MARCHF11: variants seen among roughly 807,000 people sequenced by gnomAD.
The protein encoded by MARCHF11 is membrane associated ring-CH-type finger 11, also known as E3 ubiquitin-protein ligase MARCHF11.
Under a neutral mutation model 37.3 loss-of-function variants are expected in MARCHF11, and 29 were observed. The observed-to-expected ratio is 0.78, with a 90% CI of 0.58 to 1.06. MARCHF11 has a LOEUF of 1.06. MARCHF11 is among the 50% of genes least tolerant of loss of function. MARCHF11 has a pLI of 0.00. For missense variants in MARCHF11, 482 were observed against 533.4 expected (o/e 0.90, Z 0.95); for synonymous variants, 233 against 228.0 (o/e 1.02, Z -0.20).
At chr5:16,088,263 T>G (rs1313903026) in intron 3 of MARCHF11, among the ~76,000 whole-genome samples, 1 of 152,182 alleles carries the variant, frequency 6.6e-6, no homozygotes, top group South Asian at 2.1e-4. Context: ...TCCACAACTG[T>G]GCACATCCCA....
At chr5:16,079,860 G>A (rs1171938363) in intron 3 of MARCHF11, among the ~76,000 whole-genome samples, 1 of 152,068 alleles carries the variant, frequency 6.6e-6, no homozygotes, top group East Asian at 1.9e-4. Context: ...CTCCCCTCAG[G>A]ACACAGGATC....
chr5:16,089,616 AAT>A (rs1736759414), intron 3 of MARCHF11, among the ~76,000 whole-genome samples: 1 of 152,074 alleles, frequency 6.6e-6, no homozygotes, highest in African/African-American at 2.4e-5. Flanking sequence ...AAAAAAAAAA[AAT>A]CATGCTGACA....
chr5:16,127,328 G>C (rs975617037), intron 2 of MARCHF11, among the ~76,000 whole-genome samples: 1 of 152,124 alleles, frequency 6.6e-6, no homozygotes, highest in Non-Finnish European at 1.5e-5. Flanking sequence ...GTCACACAAG[G>C]GCAGGCCATA....
At chr5:16,150,880 C>T (rs1033429608) in intron 2 of MARCHF11, among the ~76,000 whole-genome samples, 4 of 151,950 alleles carry the variant, frequency 2.6e-5, no homozygotes, top group Admixed American at 6.6e-5. Context: ...TGGAAAAAAA[C>T]GTGGTTCCCC....
chr5:16,128,647 G>A (rs1196676733), intron 2 of MARCHF11, among the ~76,000 whole-genome samples: 1 of 152,186 alleles, frequency 6.6e-6, no homozygotes, highest in Non-Finnish European at 1.5e-5. Context: ...TTTAGAAGAA[G>A]CTGCTATGGG....
At chr5:16,096,742 T>A (rs146505885) in intron 2 of MARCHF11, among the ~76,000 whole-genome samples, 33 of 152,324 alleles carry the variant, frequency 2.2e-4, no homozygotes, top group African/African-American at 7.5e-4. Flanking sequence ...CCTGTACAAA[T>A]CCCTTCCAAC....
chr5:16,116,314 G>A (rs1317756195), intron 2 of MARCHF11, among the ~76,000 whole-genome samples: 1 of 152,038 alleles, frequency 6.6e-6, no homozygotes, highest in Admixed American at 6.5e-5. Context: ...GGGCCCAAGG[G>A]ATTCTCTCTC....
chr5:16,116,310 A>G (rs1046002459), intron 2 of MARCHF11, among the ~76,000 whole-genome samples: 1 of 152,162 alleles, frequency 6.6e-6, no homozygotes, highest in South Asian at 2.1e-4. Context: ...GCCAGGGCCC[A>G]AGGGATTCTC....
chr5:16,076,880 C>T (rs540762521), intron 3 of MARCHF11, among the ~76,000 whole-genome samples: 2 of 152,216 alleles, frequency 1.3e-5, no homozygotes, highest in Non-Finnish European at 2.9e-5. Flanking sequence ...CCTCAGCCTG[C>T]GAAATGGCCA....
chr5:16,143,392 C>T (rs76274971), intron 2 of MARCHF11, among the ~76,000 whole-genome samples: 4,922 of 152,268 alleles, frequency 0.032, 289 homozygotes, highest in African/African-American at 0.11. Flanking sequence ...CCCGTTGGGC[C>T]AAGGCAATTC....
chr5:16,159,658 T>G (rs531339036), intron 2 of MARCHF11, among the ~76,000 whole-genome samples: 9 of 152,128 alleles, frequency 5.9e-5, no homozygotes, highest in Admixed American at 3.9e-4. Context: ...ATCTCTTCTT[T>G]TATTTCTTTT....
intron 2 of MARCHF11, among the ~76,000 whole-genome samples, chr5:16,145,492 G>A (rs1737782535): frequency 6.6e-6 from 1 of 152,126 alleles, no homozygotes; most frequent in African/African-American, 2.4e-5. Flanking sequence ...CCAGCCTCTA[G>A]AACTGTGAGA....
chr5:16,163,319 A>G (rs1019350934), intron 2 of MARCHF11, among the ~76,000 whole-genome samples: 2 of 152,074 alleles, frequency 1.3e-5, no homozygotes, highest in African/African-American at 2.4e-5. Context: ...ATGGAAGAGG[A>G]CAATTGCATA....
intron 2 of MARCHF11, among the ~76,000 whole-genome samples, chr5:16,116,407 T>C (rs1737227002): frequency 6.6e-6 from 1 of 152,180 alleles, no homozygotes; most frequent in African/African-American, 2.4e-5. Context: ...CAGTTTTCCA[T>C]GCCTACAATT....
intron 2 of MARCHF11, chr5:16,140,937 T>C (rs1034944096): frequency 1.3e-5 from 2 of 152,194 alleles, no homozygotes; most frequent in Admixed American, 1.3e-4. Flanking sequence ...AACATTTATA[T>C]AGTGCTTATT....
intron 3 of MARCHF11, among the ~76,000 whole-genome samples, chr5:16,087,079 A>G (rs1736712750): frequency 6.6e-6 from 1 of 152,224 alleles, no homozygotes; most frequent in Non-Finnish European, 1.5e-5. Flanking sequence ...CCTTTCTATT[A>G]GTTTTCCTGA....
chr5:16,146,401 A>G (rs1737795590), intron 2 of MARCHF11, among the ~76,000 whole-genome samples: 1 of 152,172 alleles, frequency 6.6e-6, no homozygotes, highest in African/African-American at 2.4e-5. Flanking sequence ...AAAGCATTCT[A>G]TTTCTTCCCT....
chr5:16,151,648 AATGTGTGT>A (rs1345047386), intron 2 of MARCHF11, among the ~76,000 whole-genome samples: 643 of 27,292 alleles, frequency 0.024, 6 homozygotes, highest in African/African-American at 0.069. Context: ...GCGTGAGTTG[AATGTGTGT>A]GTGTGTGTGT....
Position 16,067,564 on chromosome 5 carries a change from C to T in MARCHF11, c.1116G>A (p.Val372=). The T allele has an allele frequency of 6.2e-7, 1 of 1,613,944 alleles. No individual in the cohort carries two copies. Among genetic ancestry groups the T allele is most frequent in the Non-Finnish European group, 8.5e-7 (1 of 1,179,860 alleles). Residue 372 remains valine (V), a synonymous_variant, in exon 4 of 4, where the codon GTG becomes GTA. Coordinates refer to ENST00000332432, the MANE Select transcript of MARCHF11 (RefSeq NM_001102562.3). ...LTSPRFQCGY[V]LLHLFNRMRP... ...TCATCCGATTGAACAGGTGCAATAACACATAGCCACACTGAAACCTTGGTG... is the reference window on the plus strand; with the variant it reads ...TCATCCGATTGAACAGGTGCAATAATACATAGCCACACTGAAACCTTGGTG...
Sources: gnomAD v4.1 joint callset for allele counts (sites outside exome capture counted in the v4.1 genomes callset) on GRCh38, gnomAD v4.1.1 for gene constraint, MANE v1.5 for transcripts, NCBI Gene and HGNC (gene_info 2026-07-23, HGNC 2026-07-21) for gene names.